Variants in ANKRD29 observed in about 807,000 individuals in gnomAD.
ANKRD29 encodes the protein ankyrin repeat domain 29.
In ANKRD29, 32 loss-of-function variants were observed where a neutral mutation model predicts 38.0. The ratio of observed to expected loss-of-function variants is 0.84; its 90% CI spans 0.64 to 1.13. The LOEUF is 1.13. Ranked by LOEUF, ANKRD29 falls within the 50% of genes most tolerant of loss-of-function variation. The pLI, the probability that ANKRD29 is intolerant of heterozygous loss-of-function variation, is 0.00. For synonymous variants in ANKRD29, 135 were observed against 152.4 expected (o/e 0.89, Z 0.84); for missense variants, 357 against 377.9 (o/e 0.94, Z 0.46).
chr18:23,601,932 C>T (rs1372653731), intron 9 of ANKRD29, among the ~76,000 whole-genome samples: 1 of 152,062 alleles, frequency 6.6e-6, no homozygotes, highest in Non-Finnish European at 1.5e-5. Context: ...GTTGGGATTA[C>T]AGGCATCAGC....
In ANKRD29 at chr18:23,601,075, G is replaced by T; in HGVS notation, c.*151C>A. On this transcript the variant is annotated 3_prime_UTR_variant, in exon 10 of 10. Transcript: ENST00000592179. Reference sequence around the variant, plus strand: ...TGTTTGGTTCTTGACTTCGTGCACAGAGCGTAGCTCTTCTTTGTCAGGGAC... The same window carrying T: ...TGTTTGGTTCTTGACTTCGTGCACATAGCGTAGCTCTTCTTTGTCAGGGAC... 1 of 666,280 alleles carries T rather than the reference G, an allele frequency of 1.5e-6. No individual in the cohort carries two copies. Among genetic ancestry groups the T allele is most frequent in the Non-Finnish European group, 2.5e-6 (1 of 395,490 alleles). 41.3% of individuals were successfully genotyped at this position (666,280 alleles called of 1,614,324 possible). A position where few individuals can be genotyped will look rare whatever the true frequency, so the allele number is the denominator to read the frequency against.
chr18:23,631,504 C>A (rs939348324), intron 5 of ANKRD29, among the ~76,000 whole-genome samples: 8 of 152,090 alleles, frequency 5.3e-5, no homozygotes, highest in Non-Finnish European at 8.8e-5. Context: ...CCTCTGCCTC[C>A]CAAAGCACTA....
Position 23,629,456 on chromosome 18 carries a change from A to G in ANKRD29, c.528+397T>C, listed in dbSNP as rs144569431. On this transcript the variant is annotated intron_variant, in intron 6 of 9. Transcript: ENST00000592179. The stretch of plus-strand genomic sequence containing the variant: ...TTGGTGGAAGAAGTGGTGGGCAGGT[A>G]GTAAGGCAGCATTATCAGCAGGGGC... Among the ~76,000 whole-genome samples, 413 of 152,334 alleles carry G rather than the reference A, an allele frequency of 2.7e-3. 6 individuals are homozygous for G. The highest frequency in any genetic ancestry group is 4.7e-3 in the Non-Finnish European group (319 of 68,038).
At chr18:23,641,644 T>G (rs1286376256) in intron 3 of ANKRD29, among the ~76,000 whole-genome samples, 1 of 152,196 alleles carries the variant, frequency 6.6e-6, no homozygotes, top group African/African-American at 2.4e-5. Context: ...GTGGATGGCA[T>G]GTTGATGGTG....
chr18:23,634,201 C>G, intron 4 of ANKRD29, 52 bp from the exon 5 acceptor site: 1 of 1,415,196 alleles, frequency 7.1e-7, no homozygotes, highest in Non-Finnish European at 9.9e-7. Flanking sequence ...GCACATAATT[C>G]ACCAGCAGAT....
chr18:23,609,570 T>C (rs906610810), intron 9 of ANKRD29, among the ~76,000 whole-genome samples: 2 of 152,212 alleles, frequency 1.3e-5, no homozygotes, highest in African/African-American at 4.8e-5. Context: ...CATTGGGCGG[T>C]TACACTTGCT....
chr18:23,629,234 C>T (rs2059899397), intron 6 of ANKRD29, among the ~76,000 whole-genome samples: 1 of 152,292 alleles, frequency 6.6e-6, no homozygotes, highest in Non-Finnish European at 1.5e-5. Context: ...ATCCTCCTGC[C>T]TCGGCCTCCC....
At chr18:23,638,232 C>T (rs1007323553) in intron 4 of ANKRD29, among the ~76,000 whole-genome samples, 1 of 152,060 alleles carries the variant, frequency 6.6e-6, no homozygotes, top group Non-Finnish European at 1.5e-5. Flanking sequence ...GAACTCCTAA[C>T]CTCGTGATCC....
intron 6 of ANKRD29, 156 bp from the exon 7 acceptor site, chr18:23,619,785 G>A (rs2059773598): frequency 1.7e-5 from 10 of 597,292 alleles, no homozygotes; most frequent in Non-Finnish European, 2.8e-5. Context: ...CCGCCCAGGA[G>A]GCAGTGAGAA....
intron 6 of ANKRD29, among the ~76,000 whole-genome samples, chr18:23,629,575 C>T (rs975228639): frequency 2.0e-5 from 3 of 152,226 alleles, no homozygotes; most frequent in Non-Finnish European, 4.4e-5. Context: ...CAGGAGGTGG[C>T]AGAGTGTGTA....
chr18:23,635,736 T>C (rs2059994202), intron 4 of ANKRD29, among the ~76,000 whole-genome samples: 2 of 152,244 alleles, frequency 1.3e-5, no homozygotes, highest in African/African-American at 4.8e-5. Flanking sequence ...ATATGCCTTT[T>C]GACCAGTCAT....
At chr18:23,607,450 G>A (rs1198614105) in intron 9 of ANKRD29, among the ~76,000 whole-genome samples, 1 of 152,152 alleles carries the variant, frequency 6.6e-6, no homozygotes, top group Non-Finnish European at 1.5e-5. Context: ...GGTAGTTAGA[G>A]GAACCTCTAC....
chr18:23,627,554 C>T (rs1258549574), intron 6 of ANKRD29, among the ~76,000 whole-genome samples: 1 of 152,172 alleles, frequency 6.6e-6, no homozygotes, highest in African/African-American at 2.4e-5. Context: ...CGGCATGACT[C>T]ATTTTAGGTT....
intron 3 of ANKRD29, among the ~76,000 whole-genome samples, chr18:23,644,447 A>T (rs2060114021): frequency 6.6e-6 from 1 of 152,262 alleles, no homozygotes; most frequent in African/African-American, 2.4e-5. Context: ...GTGGGTCCAG[A>T]TATTTTCATC....
Position 23,662,710 on chromosome 18 carries a change from CT to C in ANKRD29, c.20del (p.Lys7ArgfsTer22). ...TGACCCCGGAGTCCCGGTCGCTCAC[CT>C]TGAAGGACATCCTGCACATGTCCGC... MCRMSF[K>X]KETPLANAAF... On this transcript the variant is annotated frameshift_variant and splice_region_variant, in exon 1 of 10. Coordinates refer to ENST00000592179, the MANE Select transcript of ANKRD29 (RefSeq NM_173505.4). LOFTEE classifies it high-confidence loss of function. 1 of 1,479,752 alleles carries C rather than the reference CT, an allele frequency of 6.8e-7. No homozygotes were observed. Among genetic ancestry groups the C allele is most frequent in the Non-Finnish European group, 8.9e-7 (1 of 1,122,160 alleles). The allele number at this position is 1,479,752 out of a possible 1,614,324, so 91.7% of individuals were successfully genotyped here.
intron 3 of ANKRD29, among the ~76,000 whole-genome samples, chr18:23,644,793 T>C (rs916941896): frequency 2.0e-5 from 3 of 152,226 alleles, no homozygotes; most frequent in African/African-American, 7.2e-5. Flanking sequence ...AGCCTGTAAC[T>C]TCTGGGCTTA....
At chr18:23,611,982 C>A in intron 9 of ANKRD29, 110 bp downstream of exon 9, 1 of 948,228 alleles carries the variant, frequency 1.1e-6, no homozygotes. Context: ...AATGCCCTTA[C>A]TATGCAAAGA....
chr18:23,629,174 G>A (rs572524615), intron 6 of ANKRD29, among the ~76,000 whole-genome samples: 1 of 152,322 alleles, frequency 6.6e-6, no homozygotes, highest in African/African-American at 2.4e-5. Context: ...TAGTAGAGAC[G>A]GGGTTTCATC....
At chr18:23,654,892 G>A (rs2060259149) in intron 1 of ANKRD29, among the ~76,000 whole-genome samples, 1 of 151,978 alleles carries the variant, frequency 6.6e-6, no homozygotes. Context: ...AAGCTAAGAG[G>A]GGGTAGAAAT....
Sources: gnomAD v4.1 joint callset for allele counts (sites outside exome capture counted in the v4.1 genomes callset) on GRCh38, gnomAD v4.1.1 for gene constraint, MANE v1.5 for transcripts, NCBI Gene and HGNC (gene_info 2026-07-23, HGNC 2026-07-21) for gene names.